The following THSD4 variants were observed in gnomAD, a reference collection of about 807,000 sequenced individuals.
THSD4 encodes the protein thrombospondin type 1 domain containing 4.
Under a neutral mutation model 119.0 loss-of-function variants are expected in THSD4, and 69 were observed. The ratio of observed to expected loss-of-function variants is 0.58; its 90% CI spans 0.48 to 0.71. The LOEUF is 0.71. THSD4 is among the 30% of genes least tolerant of loss of function. The probability of loss-of-function intolerance (pLI) is 0.00; values close to 1 mark genes in which losing one functional copy is unlikely to be tolerated. For missense variants in THSD4, 1,393 were observed against 1,391.1 expected, an observed-to-expected ratio of 1.00 and a Z score of -0.02; for synonymous variants, 524 against 540.4, an observed-to-expected ratio of 0.97 and a Z score of 0.42.
intron 4 of THSD4, among the ~76,000 whole-genome samples, chr15:71,216,315 GTGGGC>G (rs1244468140): frequency 1.3e-5 from 2 of 152,250 alleles, no homozygotes; most frequent in Non-Finnish European, 2.9e-5. Flanking sequence ...AGCTTATCAG[GTGGGC>G]TGCCTTGCCC....
chr15:71,625,807 G>A (rs1238862849), intron 7 of THSD4, among the ~76,000 whole-genome samples: 1 of 152,204 alleles, frequency 6.6e-6, no homozygotes, highest in Non-Finnish European at 1.5e-5. Context: ...CAGGGTGGAG[G>A]GGGTGGAGAC....
chr15:71,148,337 A>T (rs1596225007), intron 2 of THSD4, among the ~76,000 whole-genome samples: 1 of 152,304 alleles, frequency 6.6e-6, no homozygotes, highest in Non-Finnish European at 1.5e-5. Flanking sequence ...TGCCAACCAG[A>T]TTCAGAAAGC....
At chr15:71,114,483 C>G (rs1480900749), upstream of THSD4, among the ~76,000 whole-genome samples, 1 of 152,170 alleles carries the variant, frequency 6.6e-6, no homozygotes, top group Non-Finnish European at 1.5e-5. Flanking sequence ...TTTGTCACCC[C>G]CTCCCTGCTC....
chr15:71,291,603 C>T (rs2044792482), intron 6 of THSD4, among the ~76,000 whole-genome samples: 1 of 152,158 alleles, frequency 6.6e-6, no homozygotes, highest in South Asian at 2.1e-4. Context: ...GCCCACCCAC[C>T]TTGAGGAGGG....
intron 6 of THSD4, among the ~76,000 whole-genome samples, chr15:71,351,324 A>G (rs1251637435): frequency 6.6e-6 from 1 of 152,112 alleles, no homozygotes; most frequent in Non-Finnish European, 1.5e-5. Flanking sequence ...AGCTTTCTGC[A>G]TTTCCCACCA....
intron 8 of THSD4, among the ~76,000 whole-genome samples, chr15:71,698,883 A>G (rs188640943): frequency 6.6e-6 from 1 of 152,126 alleles, no homozygotes; most frequent in Admixed American, 6.5e-5. Flanking sequence ...TCATAAAAGC[A>G]AAGAGTAGAG....
At chr15:71,441,576 G>T (rs2047091968) in intron 7 of THSD4, among the ~76,000 whole-genome samples, 1 of 150,304 alleles carries the variant, frequency 6.7e-6, no homozygotes, top group South Asian at 2.2e-4. Flanking sequence ...TGTATTTTTA[G>T]TAGAGACGGG....
At chr15:71,451,695 T>G (rs915386824) in intron 7 of THSD4, among the ~76,000 whole-genome samples, 6 of 152,242 alleles carry the variant, frequency 3.9e-5, no homozygotes, top group African/African-American at 1.4e-4. Flanking sequence ...ACTTCTGGAC[T>G]AGGCCTGTTT....
intron 6 of THSD4, among the ~76,000 whole-genome samples, chr15:71,299,972 A>T (rs1179949703): frequency 0.032 from 857 of 27,206 alleles, 5 homozygotes; most frequent in Non-Finnish European, 0.053. Context: ...AAAAAAAAAA[A>T]AAAAATATAT....
At chr15:71,416,097 C>T (rs1288571067) in intron 7 of THSD4, among the ~76,000 whole-genome samples, 1 of 152,080 alleles carries the variant, frequency 6.6e-6, no homozygotes, top group African/African-American at 2.4e-5. Flanking sequence ...TCGCCTGGCC[C>T]GAAGTTTGTC....
chr15:71,594,018 A>G (rs757269331), intron 7 of THSD4, among the ~76,000 whole-genome samples: 11 of 151,970 alleles, frequency 7.2e-5, no homozygotes, highest in South Asian at 2.1e-4. Flanking sequence ...GTGCCCAGGA[A>G]CAGGAGGGAC....
chr15:71,299,717 G>T (rs561571437), intron 6 of THSD4, among the ~76,000 whole-genome samples: 31 of 152,222 alleles, frequency 2.0e-4, no homozygotes, highest in African/African-American at 6.7e-4. Context: ...GAAATGATAA[G>T]TATCTTAGGT....
At position 71,332,159 on chromosome 15, in the gene THSD4, C is replaced by G. The variant is rs75690510; in HGVS notation, c.1015+75444C>G. Among the ~76,000 whole-genome samples, 1,428 of 152,278 alleles carry G rather than the reference C, an allele frequency of 9.4e-3. 31 individuals are homozygous for G. Among genetic ancestry groups the G allele is most frequent in the African/African-American group, 0.032 (1,340 of 41,536 alleles). On this transcript the variant is annotated intron_variant, in intron 6 of 17. Coordinates refer to ENST00000261862, the MANE Select transcript of THSD4 (RefSeq NM_024817.3). ...CCAGGAATAGGTTTGTCTCAGTACC[C>G]CTGCTGGGTTCCGCTATTGCCTCTG...
At chr15:71,762,748 A>G (rs1396646659) in intron 15 of THSD4, among the ~76,000 whole-genome samples, 1 of 152,226 alleles carries the variant, frequency 6.6e-6, no homozygotes, top group Non-Finnish European at 1.5e-5. Context: ...ATGGAAGAAA[A>G]TAGGAGAAAC....
At chr15:71,641,436 T>G (rs1201039535) in intron 7 of THSD4, among the ~76,000 whole-genome samples, 2 of 152,032 alleles carry the variant, frequency 1.3e-5, no homozygotes, top group Non-Finnish European at 2.9e-5. Context: ...CAACAATCAC[T>G]GAGTCTCATT....
At chr15:71,160,647 G>A (rs1363098378) in intron 3 of THSD4, among the ~76,000 whole-genome samples, 1 of 151,650 alleles carries the variant, frequency 6.6e-6, no homozygotes, top group Non-Finnish European at 1.5e-5. Flanking sequence ...CAGTTGTCAT[G>A]TCTCCTTTTT....
chr15:71,389,605 T>C (rs11637344), intron 6 of THSD4, among the ~76,000 whole-genome samples: 111,661 of 151,570 alleles, frequency 0.74, 41,652 homozygotes, highest in Middle Eastern at 0.9. Context: ...TGTGAGCGTA[T>C]TCATATCTCT....
Position 71,677,436 on chromosome 15 carries a change from C to T in THSD4, c.1357+16702C>T, listed in dbSNP as rs956784736. On this transcript the variant is annotated intron_variant, in intron 8 of 17. Coordinates refer to ENST00000261862, the MANE Select transcript of THSD4 (RefSeq NM_024817.3). ...GATTCCATGCCAAAGAGACTGTGCC[C>T]TCTTGCTGTGATTTGGAAAGATGCT... 2.0e-5 allele frequency among the ~76,000 whole-genome samples: 3 copies of T among 152,190 alleles called. No individual in the cohort carries two copies. The East Asian group carries it at 5.8e-4, about 29-fold the overall frequency.
chr15:71,708,534 TATA>T (rs1236993883), intron 8 of THSD4, among the ~76,000 whole-genome samples: 3 of 151,978 alleles, frequency 2.0e-5, no homozygotes, highest in Admixed American at 2.0e-4. Context: ...ACTGAAAGGG[TATA>T]TCATTTAAGT....
Sources: allele counts gnomAD v4.1 joint callset (sites outside exome capture counted in the v4.1 genomes callset), GRCh38; gene constraint gnomAD v4.1.1; transcripts MANE v1.5; gene names NCBI Gene and HGNC (gene_info 2026-07-23, HGNC 2026-07-21).